The following ARHGAP32 variants were observed in gnomAD, a reference collection of about 807,000 sequenced individuals.
The protein encoded by ARHGAP32 is Rho GTPase activating protein 32.
In ARHGAP32, 51 loss-of-function variants were observed where a neutral mutation model predicts 186.5. That is an observed-to-expected ratio of 0.27 (90% CI 0.22 to 0.35). The LOEUF is 0.35. Ranked by LOEUF, ARHGAP32 falls within the 10% of genes least tolerant of loss-of-function variation. The pLI is 1.00. For synonymous variants in ARHGAP32, 950 were observed against 964.3 expected (o/e 0.99, Z 0.27); for missense variants, 2,186 against 2,623.5 (o/e 0.83, Z 3.64).
chr11:129,249,836 G>A (rs187988408), intron 1 of ARHGAP32, among the ~76,000 whole-genome samples: 4 of 152,052 alleles, frequency 2.6e-5, no homozygotes, highest in African/African-American at 9.6e-5. Flanking sequence ...CAGCAATGCT[G>A]GTACTCTGAA....
intron 1 of ARHGAP32, among the ~76,000 whole-genome samples, chr11:129,188,293 G>T (rs957310803): frequency 6.6e-6 from 1 of 152,074 alleles, no homozygotes; most frequent in Non-Finnish European, 1.5e-5. Context: ...GTACTTCCAG[G>T]ATCATTAAAA....
intron 11 of ARHGAP32, among the ~76,000 whole-genome samples, chr11:129,021,151 A>G (rs1398197839): frequency 6.6e-6 from 1 of 152,088 alleles, no homozygotes; most frequent in Non-Finnish European, 1.5e-5. Flanking sequence ...CTATCTAATT[A>G]TGAGAGAAGA....
rs80078014 is a variant in ARHGAP32 at position 129,256,894 on chromosome 11, G to A, written c.-5+22252C>T. On this transcript the variant is annotated intron_variant, in intron 1 of 6. Transcript: ENST00000525234. ...AGAACATAAGGGCTAAGACTTCCGC[G>A]AATCTCTTAGCCTTTCCCTAAAAGT... 7.2e-5 allele frequency among the ~76,000 whole-genome samples: 11 copies of A among 152,226 alleles called. No homozygotes were observed. The East Asian group carries it at 1.9e-3, about 27-fold the overall frequency.
At chr11:129,114,134 A>C (rs1942300638) in intron 5 of ARHGAP32, among the ~76,000 whole-genome samples, 1 of 152,066 alleles carries the variant, frequency 6.6e-6, no homozygotes, top group Non-Finnish European at 1.5e-5. Flanking sequence ...TCACACATTG[A>C]TCATGGTACT....
intron 11 of ARHGAP32, among the ~76,000 whole-genome samples, chr11:129,030,027 C>T (rs1394343353): frequency 6.6e-6 from 1 of 152,086 alleles, no homozygotes; most frequent in Non-Finnish European, 1.5e-5. Flanking sequence ...CTATCCTTTG[C>T]AATGTATTTG....
intron 11 of ARHGAP32, among the ~76,000 whole-genome samples, chr11:129,003,986 A>G (rs575804756): frequency 6.6e-6 from 1 of 151,908 alleles, no homozygotes; most frequent in South Asian, 2.1e-4. Context: ...CTTGTTTCTC[A>G]TGTAGGTACT....
intron 1 of ARHGAP32, among the ~76,000 whole-genome samples, chr11:129,245,938 T>C (rs1024643619): frequency 2.0e-5 from 3 of 152,152 alleles, no homozygotes; most frequent in Non-Finnish European, 4.4e-5. Flanking sequence ...TTTTCTCAGA[T>C]AAAAGGAAAT....
Position 129,239,722 on chromosome 11 carries a change from T to G in ARHGAP32, c.-5+39424A>C, listed in dbSNP as rs567151940. On this transcript the variant is annotated intron_variant, in intron 1 of 6. Transcript: ENST00000525234. ...ATTACTGGCCATTTTCCAAATATGC[T>G]CTATACTATTCCACCTGTGTCTACT... is the stretch of plus-strand genomic sequence containing the variant. Among the ~76,000 whole-genome samples the G allele has an allele frequency of 2.6e-5, 4 of 152,272 alleles. No homozygotes were observed. The South Asian group carries it at 8.3e-4, about 32-fold the overall frequency.
intron 1 of ARHGAP32, among the ~76,000 whole-genome samples, chr11:129,239,170 C>G (rs1428908801): frequency 6.6e-6 from 1 of 152,104 alleles, no homozygotes; most frequent in African/African-American, 2.4e-5. Context: ...TTTTTCTAAG[C>G]CCTCGCATAT....
intron 1 of ARHGAP32, among the ~76,000 whole-genome samples, chr11:129,240,419 C>T (rs928048093): frequency 2.0e-5 from 3 of 152,158 alleles, no homozygotes; most frequent in Non-Finnish European, 4.4e-5. Context: ...AATGACCCTT[C>T]CCTAATTGTG....
At chr11:129,004,521 A>G (rs1223341243) in intron 11 of ARHGAP32, among the ~76,000 whole-genome samples, 1 of 152,004 alleles carries the variant, frequency 6.6e-6, no homozygotes, top group Admixed American at 6.6e-5. Context: ...AGCTCTAACA[A>G]TATTTGCTTG....
intron 11 of ARHGAP32, among the ~76,000 whole-genome samples, chr11:129,029,959 A>G (rs763969092): frequency 2.8e-4 from 43 of 152,262 alleles, no homozygotes; most frequent in South Asian, 1.5e-3. Flanking sequence ...TTATAAATAC[A>G]TGGTATTATA....
intron 2 of ARHGAP32, among the ~76,000 whole-genome samples, chr11:129,156,863 G>A (rs1253788695): frequency 6.6e-6 from 1 of 152,172 alleles, no homozygotes; most frequent in Non-Finnish European, 1.5e-5. Context: ...CCTCTGGGAC[G>A]AAGCTTCCAG....
chr11:129,227,465 T>C (rs1944800833), intron 1 of ARHGAP32, among the ~76,000 whole-genome samples: 1 of 105,118 alleles, frequency 9.5e-6, no homozygotes, highest in Non-Finnish European at 2.1e-5. Flanking sequence ...AAACATTACA[T>C]TGACAGTTTA....
chr11:129,003,540 A>G (rs756783689), intron 11 of ARHGAP32, among the ~76,000 whole-genome samples: 3 of 152,176 alleles, frequency 2.0e-5, no homozygotes, highest in Non-Finnish European at 4.4e-5. Context: ...GAGACTTTTT[A>G]TTATAATTTT....
At chr11:129,233,003 G>T (rs1030730588) in intron 1 of ARHGAP32, among the ~76,000 whole-genome samples, 1 of 151,988 alleles carries the variant, frequency 6.6e-6, no homozygotes, top group Non-Finnish European at 1.5e-5. Context: ...ATATATATTT[G>T]TCAAAACTTT....
At chr11:129,050,172 T>G (rs541800166) in intron 10 of ARHGAP32, among the ~76,000 whole-genome samples, 3 of 152,360 alleles carry the variant, frequency 2.0e-5, no homozygotes, top group African/African-American at 4.8e-5. Flanking sequence ...CAGCACTGTA[T>G]GAGAATTCCA....
In ARHGAP32 at chr11:128,986,515, T is replaced by G. The variant is rs1438032358; in HGVS notation, c.1443+9A>C. 6.2e-7 allele frequency: 1 copy of G among 1,613,936 alleles called. No homozygotes were observed. On this transcript the variant is annotated intron_variant, in intron 14 of 22. Transcript: ENST00000682385. ...CAAAGAATTAGATTCAAAAGTAGCCTGTACTCACAGAAAATTTCTCATACA... is the reference window on the plus strand; with the variant it reads ...CAAAGAATTAGATTCAAAAGTAGCCGGTACTCACAGAAAATTTCTCATACA...
At chr11:129,207,531 T>C (rs1316800603) in intron 1 of ARHGAP32, among the ~76,000 whole-genome samples, 1 of 152,224 alleles carries the variant, frequency 6.6e-6, no homozygotes, top group Non-Finnish European at 1.5e-5. Context: ...GCTGCATAAA[T>C]GTCTTCTTTT....
Sources: allele counts gnomAD v4.1 joint callset (sites outside exome capture counted in the v4.1 genomes callset), GRCh38; gene constraint gnomAD v4.1.1; transcripts MANE v1.5; gene names NCBI Gene and HGNC (gene_info 2026-07-23, HGNC 2026-07-21).